BUB1: variants seen among roughly 807,000 people sequenced by gnomAD.
BUB1 encodes mitotic checkpoint serine/threonine-protein kinase BUB1.
In BUB1, 84 loss-of-function variants were observed where a neutral mutation model predicts 135.2. The observed-to-expected ratio is 0.62, with a 90% CI of 0.52 to 0.74. BUB1 has a LOEUF of 0.74. Ranked by LOEUF, BUB1 falls within the 30% of genes least tolerant of loss-of-function variation. BUB1 has a pLI of 0.00. For missense variants in BUB1, 1,162 were observed against 1,288.3 expected (o/e 0.90, Z 1.50); for synonymous variants, 403 against 434.4 (o/e 0.93, Z 0.90).
Position 110,667,783 on chromosome 2 carries a change from C to A in BUB1, c.620+14G>T, listed in dbSNP as rs1378675612. On this transcript the variant is annotated intron_variant, in intron 7 of 24. Coordinates refer to ENST00000302759, the MANE Select transcript of BUB1 (RefSeq NM_004336.5). ...AGGAAACTAATAATAGATTAATGCA[C>A]TGATTATACTTGCATATTTGACTCT... The A allele has an allele frequency of 6.2e-7, 1 of 1,612,286 alleles. No homozygotes were observed.
At position 110,638,000 on chromosome 2, in the gene BUB1, A is replaced by T; in HGVS notation, c.3222T>A (p.Ile1074=). 1.9e-6 allele frequency: 3 copies of T among 1,576,696 alleles called. No homozygotes were observed. Among genetic ancestry groups the T allele is most frequent in the Non-Finnish European group, 2.6e-6 (3 of 1,163,038 alleles). ...NKIRALRNRL[I]VLLLECKRSR... ...AACGCTTACATTCTAAGAGCAGTAC[A>T]ATTAGCCTATTACGTAGGGCCCTAA... Residue 1074 remains isoleucine, a synonymous_variant, in exon 25 of 25, where the codon ATT becomes ATA. Transcript: ENST00000302759.
Position 110,638,035 on chromosome 2 carries a change from T to C in BUB1, c.3187A>G (p.Thr1063Ala), listed in dbSNP as rs1311205753. 2 of 1,612,488 alleles carry C rather than the reference T, an allele frequency of 1.2e-6. No homozygotes were observed. Among genetic ancestry groups the C allele is most frequent in the East Asian group, 2.2e-5 (1 of 44,820 alleles). The change falls in exon 25 of 25, where the codon ACT (threonine) becomes GCT (alanine). Residue 1063 changes from threonine (T) to alanine (A), a missense_variant. Coordinates refer to ENST00000302759, the MANE Select transcript of BUB1 (RefSeq NM_004336.5). Reference protein sequence around the residue: ...KLKKVFQQHYTNKIRALRNRL... With the variant: ...KLKKVFQQHYANKIRALRNRL... ...TTACGTAGGGCCCTAATCTTGTTAG[T>C]ATAGTGTTGTTGAAATACTTTCTTC...
In BUB1 at chr2:110,639,400, AAAAAAAAAG is replaced by A. The variant is rs1257868686; in HGVS notation, c.3062+333_3062+341del. Among the ~76,000 whole-genome samples the A allele has an allele frequency of 5.3e-3, 802 of 151,552 alleles. 6 individuals carry two copies. The highest frequency in any genetic ancestry group is 0.018 in the African/African-American group (732 of 41,314). On this transcript the variant is annotated intron_variant, in intron 24 of 24. Transcript: ENST00000302759. Reference sequence around the variant, plus strand: ...GATCAGTATTTCCATAGACCAAAAAAAAAAAAAAGAAAAAAAAGAAAAAAGAAAAAACCA... The same window carrying A: ...GATCAGTATTTCCATAGACCAAAAAAAAAAAAAAGAAAAAAGAAAAAACCA...
intron 1 of BUB1, among the ~76,000 whole-genome samples, chr2:110,675,709 C>T (rs968343725): frequency 4.0e-5 from 6 of 151,828 alleles, no homozygotes; most frequent in Non-Finnish European, 7.4e-5. Context: ...TGGAGTGCAA[C>T]AGTGCAATCA....
chr2:110,661,250 G>A (rs1052935568), intron 10 of BUB1: 11 of 278,762 alleles, frequency 3.9e-5, no homozygotes, highest in Non-Finnish European at 7.5e-5. Context: ...TATGATCCCT[G>A]TAGGTATTCA....
intron 19 of BUB1, among the ~76,000 whole-genome samples, chr2:110,645,736 T>A (rs535523660): frequency 2.5e-4 from 38 of 152,038 alleles, no homozygotes; most frequent in East Asian, 1.9e-3. Context: ...TTAATTTTTT[T>A]AAAAAAATAT....
chr2:110,657,523 T>C (rs1300904061), intron 14 of BUB1, 23 bp downstream of exon 14: 2 of 1,560,012 alleles, frequency 1.3e-6, no homozygotes, highest in South Asian at 1.2e-5. Context: ...CAGCATCCCA[T>C]TAACTAGATG....
intron 13 of BUB1, 69 bp from the exon 14 acceptor site, chr2:110,657,714 A>T: frequency 8.9e-7 from 1 of 1,125,490 alleles, no homozygotes; most frequent in Non-Finnish European, 1.2e-6. Context: ...TTAAACTTCA[A>T]CTACAAATAA....
chr2:110,641,010 A>C lies in BUB1; in HGVS notation c.2955+24T>G, dbSNP rs147902916. On this transcript the variant is annotated intron_variant, in intron 23 of 24. Coordinates refer to ENST00000302759, the MANE Select transcript of BUB1 (RefSeq NM_004336.5). ...AAGCGCAACACAGAAAAATATTTCC[A>C]AGTCCCTCACTTTAGTTTTATACCT... The C allele has an allele frequency of 8.0e-4, 1,216 of 1,525,350 alleles. 7 individuals carry two copies. The highest frequency in any genetic ancestry group is 3.5e-3 in the Middle Eastern group (20 of 5,672). The allele number at this position is 1,525,350 out of a possible 1,614,324, so 94.5% of individuals were successfully genotyped here.
In BUB1 at chr2:110,658,418, T is replaced by C; in HGVS notation, c.1508A>G (p.Gln503Arg). 1 of 1,609,986 alleles carries C rather than the reference T, an allele frequency of 6.2e-7. No individual in the cohort carries two copies. Among genetic ancestry groups the C allele is most frequent in the Non-Finnish European group, 8.5e-7 (1 of 1,176,888 alleles). ...LDQNEDAFEA[Q>R]FQKNVRSSGA... ...TTTTAAATAGTTATTACTTTGAAACTGGGCTTCAAATGCATCTTCATTTTG... is the reference window on the plus strand; with the variant it reads ...TTTTAAATAGTTATTACTTTGAAACCGGGCTTCAAATGCATCTTCATTTTG... The change falls in exon 13 of 25, where the codon CAG becomes CGG. Residue 503 changes from glutamine to arginine, a missense_variant. Transcript: ENST00000302759.
In BUB1 at chr2:110,674,028, T is replaced by C; in HGVS notation, c.225+58A>G. On this transcript the variant is annotated intron_variant, in intron 3 of 24. Transcript: ENST00000302759. ...CTAAAATGATCTTACAATCTAAGTT[T>C]AAAAAGCAAAAGTACAACATGATTA... The C allele has an allele frequency of 3.7e-6, 5 of 1,364,594 alleles. No individual in the cohort carries two copies. The South Asian group carries it at 7.0e-5, about 19-fold the overall frequency. The allele number at this position is 1,364,594 out of a possible 1,614,324, so 84.5% of individuals were successfully genotyped here.
chr2:110,640,812 G>GC (rs963721227), intron 23 of BUB1, among the ~76,000 whole-genome samples: 14 of 152,174 alleles, frequency 9.2e-5, no homozygotes, highest in South Asian at 4.2e-4. Context: ...GAATATATCT[G>GC]CCCCCCTTTC....
intron 19 of BUB1, among the ~76,000 whole-genome samples, chr2:110,644,029 G>A (rs1301135894): frequency 8.9e-6 from 1 of 112,124 alleles, no homozygotes; most frequent in Non-Finnish European, 1.7e-5. Context: ...CTTGAAGATA[G>A]GCCAATAAAA....
chr2:110,644,025 G>A (rs1386939941), intron 19 of BUB1, among the ~76,000 whole-genome samples: 1 of 79,028 alleles, frequency 1.3e-5, no homozygotes, highest in Non-Finnish European at 2.3e-5. Flanking sequence ...TGAGCTTGAA[G>A]ATAGGCCAAT....
rs369930743 is a variant in BUB1 at position 110,657,615 on chromosome 2, A to C, written c.1547T>G (p.Val516Gly). The change falls in exon 14 of 25, where the codon GTC (valine) becomes GGC (glycine). Residue 516 changes from valine to glycine, a missense_variant. Val to Gly is a moderately radical substitution (Grantham distance 109, BLOSUM62 -3). Transcript: ENST00000302759. ...KNVRSSGAWG[V>G]NKIISSLSSA... ...TGACAAAGAAGAGATGATCTTATTG[A>C]CTCCCCAAGCCCCAGATGACCTTAC... 4.4e-6 allele frequency: 7 copies of C among 1,604,152 alleles called. No individual in the cohort carries two copies. The highest frequency in any genetic ancestry group is 1.3e-5 in the African/African-American group (1 of 74,542).
Position 110,641,209 on chromosome 2 carries a change from T to C in BUB1, c.2784-4A>G. 6.3e-7 allele frequency: 1 copy of C among 1,593,182 alleles called. No homozygotes were observed. The highest frequency in any genetic ancestry group is 8.5e-7 in the Non-Finnish European group (1 of 1,170,442). ...TTCATCATCCTGTTCCAAAAATCTA[T>C]ATTAAACACAAACAAAGCCAGGCTG... On this transcript the variant is annotated splice_region_variant and splice_polypyrimidine_tract_variant and intron_variant, in intron 22 of 24. Transcript: ENST00000302759.
intron 9 of BUB1, among the ~76,000 whole-genome samples, chr2:110,664,591 T>C (rs952788919): frequency 6.6e-6 from 1 of 151,672 alleles, no homozygotes; most frequent in Non-Finnish European, 1.5e-5. Context: ...TTTTTTTTTT[T>C]TTAAATAAGC....
Position 110,641,349 on chromosome 2 carries a change from A to G in BUB1, c.2741T>C (p.Ile914Thr). The change falls in exon 22 of 25, where the codon ATT (isoleucine) becomes ACT (threonine). Residue 914 changes from isoleucine to threonine, a missense_variant. Coordinates refer to ENST00000302759, the MANE Select transcript of BUB1 (RefSeq NM_004336.5). ...MIEQVHDCEIIHGDIKPDNFI... is the reference protein window; with the variant it reads ...MIEQVHDCEITHGDIKPDNFI... The stretch of plus-strand genomic sequence containing the variant: ...ATTGTCTGGTTTAATGTCTCCATGA[A>G]TGATTTCACAGTCATGCACTTGCTC... 1 of 1,613,692 alleles carries G rather than the reference A, an allele frequency of 6.2e-7. No individual in the cohort carries two copies. Among genetic ancestry groups the G allele is most frequent in the Non-Finnish European group, 8.5e-7 (1 of 1,179,838 alleles).
intron 9 of BUB1, 49 bp downstream of exon 9, chr2:110,666,214 G>T: frequency 1.5e-6 from 2 of 1,311,602 alleles, no homozygotes; most frequent in Non-Finnish European, 2.0e-6. Flanking sequence ...AAATCAAACT[G>T]CCATTCCTGC....
Sources: gnomAD v4.1 joint callset for allele counts (sites outside exome capture counted in the v4.1 genomes callset) on GRCh38, gnomAD v4.1.1 for gene constraint, MANE v1.5 for transcripts, NCBI Gene and HGNC (gene_info 2026-07-23, HGNC 2026-07-21) for gene names.